The following GAS2 variants were observed in gnomAD, a reference collection of about 807,000 sequenced individuals.
The protein encoded by GAS2 is growth arrest-specific protein 2.
Under a neutral mutation model 37.5 loss-of-function variants are expected in GAS2, and 20 were observed. The ratio of observed to expected loss-of-function variants is 0.53; its 90% CI spans 0.37 to 0.77. The LOEUF is 0.77. GAS2 is among the 30% of genes least tolerant of loss of function. GAS2 has a pLI of 0.00. For synonymous variants in GAS2, 144 were observed against 132.2 expected (o/e 1.09, Z -0.61); for missense variants, 336 against 373.4 (o/e 0.90, Z 0.82).
At chr11:22,692,183 A>T (rs751443193) in intron 3 of GAS2, among the ~76,000 whole-genome samples, 5 of 152,184 alleles carry the variant, frequency 3.3e-5, no homozygotes, top group Admixed American at 3.3e-4. Flanking sequence ...GAAAGCAGCA[A>T]TGTGAAAAAT....
intron 3 of GAS2, among the ~76,000 whole-genome samples, chr11:22,695,662 A>G (rs1850467435): frequency 6.6e-6 from 1 of 152,234 alleles, no homozygotes; most frequent in South Asian, 2.1e-4. Flanking sequence ...TAAATTCCAT[A>G]TATCACAGCT....
chr11:22,698,191 C>T (rs1370352034), intron 3 of GAS2, among the ~76,000 whole-genome samples: 1 of 152,098 alleles, frequency 6.6e-6, no homozygotes, highest in African/African-American at 2.4e-5. Flanking sequence ...GGGGATATCA[C>T]CACCCATCCC....
intron 3 of GAS2, among the ~76,000 whole-genome samples, chr11:22,722,698 A>G (rs1009959261): frequency 2.0e-5 from 3 of 151,932 alleles, no homozygotes; most frequent in African/African-American, 7.2e-5. Context: ...CCCTGGGAAC[A>G]TGTCCCTTGG....
chr11:22,749,322 T>A, intron 6 of GAS2, 61 bp downstream of exon 6: 1 of 1,444,434 alleles, frequency 6.9e-7, no homozygotes, highest in Non-Finnish European at 9.6e-7. Flanking sequence ...ACAAAACATA[T>A]TCTGTGCAAT....
chr11:22,770,165 G>C (rs1390903748), intron 7 of GAS2, among the ~76,000 whole-genome samples: 1 of 152,132 alleles, frequency 6.6e-6, no homozygotes, highest in Non-Finnish European at 1.5e-5. Context: ...GAGGTGAGGT[G>C]AGGAAGAGCA....
At chr11:22,665,408 G>A (rs1048732708), upstream of GAS2, among the ~76,000 whole-genome samples, 1 of 152,102 alleles carries the variant, frequency 6.6e-6, no homozygotes, top group African/African-American at 2.4e-5. Flanking sequence ...ACTCAGATCT[G>A]ATCACATTTT....
chr11:22,747,961 A>G (rs887016348), intron 5 of GAS2, among the ~76,000 whole-genome samples: 2 of 152,086 alleles, frequency 1.3e-5, no homozygotes, highest in Non-Finnish European at 2.9e-5. Flanking sequence ...AGTTAAAATA[A>G]TAAGCAGTTA....
Position 22,743,403 on chromosome 11 carries a change from ATGT to A in GAS2, c.473+5639_473+5641del, listed in dbSNP as rs1853202020. ...TCAATTAACTTATCAACAATCTCAG[ATGT>A]TGTGCCATGTGTCAGAGACTATACT... On this transcript the variant is annotated intron_variant, in intron 5 of 7. Coordinates refer to ENST00000454584, the MANE Select transcript of GAS2 (RefSeq NM_001143830.3). 7.9e-5 allele frequency among the ~76,000 whole-genome samples: 12 copies of A among 152,100 alleles called. 1 individual carries two copies. In the South Asian group the frequency reaches 2.5e-3, roughly 32 times the overall value.
intron 1 of GAS2, among the ~76,000 whole-genome samples, chr11:22,669,989 A>C (rs1849137219): frequency 1.3e-5 from 2 of 152,178 alleles, no homozygotes; most frequent in Non-Finnish European, 2.9e-5. Flanking sequence ...AAGAGTGAAG[A>C]ACTCACAATG....
At chr11:22,745,969 C>A (rs1038052264) in intron 5 of GAS2, among the ~76,000 whole-genome samples, 5 of 151,982 alleles carry the variant, frequency 3.3e-5, no homozygotes, top group Non-Finnish European at 4.4e-5. Context: ...CAGTTTGAGA[C>A]GAGCTCCACC....
intron 1 of GAS2, among the ~76,000 whole-genome samples, chr11:22,656,270 T>G (rs1359990451): frequency 6.6e-6 from 1 of 152,254 alleles, no homozygotes; most frequent in Non-Finnish European, 1.5e-5. Context: ...CCTTCTGAGT[T>G]GCAGCAACAT....
At chr11:22,805,460 A>G (rs892388995) in intron 7 of GAS2, among the ~76,000 whole-genome samples, 9 of 152,088 alleles carry the variant, frequency 5.9e-5, no homozygotes, top group African/African-American at 1.9e-4. Flanking sequence ...CAGTACAACA[A>G]ATCTTTTGAA....
At chr11:22,760,110 T>A (rs1191091380) in intron 7 of GAS2, among the ~76,000 whole-genome samples, 1 of 151,384 alleles carries the variant, frequency 6.6e-6, no homozygotes, top group Non-Finnish European at 1.5e-5. Context: ...GTGTGTACCA[T>A]CACACCCAAC....
chr11:22,767,089 G>A (rs1566381), intron 7 of GAS2, among the ~76,000 whole-genome samples: 68,108 of 151,786 alleles, frequency 0.45, 15,683 homozygotes, highest in East Asian at 0.59. Flanking sequence ...ATAGCAGTAC[G>A]GATATCTTTC....
chr11:22,691,156 T>A lies in GAS2; in HGVS notation c.267+5367T>A, dbSNP rs562180556. ...GAAGTTCTGTTACCTAGTAGAATGC[T>A]GCATTATGCTCCAAGGAAGGAACTG... is the stretch of plus-strand genomic sequence containing the variant. On this transcript the variant is annotated intron_variant, in intron 3 of 7. Coordinates refer to ENST00000454584, the MANE Select transcript of GAS2 (RefSeq NM_001143830.3). Among the ~76,000 whole-genome samples, 65 of 152,280 alleles carry A rather than the reference T, an allele frequency of 4.3e-4. No homozygotes were observed. In the South Asian group the frequency reaches 0.012, roughly 27 times the overall value.
chr11:22,764,796 T>G (rs906028017), intron 7 of GAS2, among the ~76,000 whole-genome samples: 1 of 152,164 alleles, frequency 6.6e-6, no homozygotes, highest in Admixed American at 6.5e-5. Flanking sequence ...TTATTCTTCA[T>G]TAAAAACTTA....
At chr11:22,794,859 G>A (rs952741131) in intron 7 of GAS2, among the ~76,000 whole-genome samples, 2 of 152,134 alleles carry the variant, frequency 1.3e-5, no homozygotes, top group Non-Finnish European at 2.9e-5. Context: ...CTGTCTCACA[G>A]TGTCACCCTG....
intron 7 of GAS2, among the ~76,000 whole-genome samples, chr11:22,774,795 G>A (rs1180357736): frequency 1.3e-5 from 2 of 151,616 alleles, no homozygotes; most frequent in Non-Finnish European, 2.9e-5. Context: ...CTGTTAATCT[G>A]GATTTCAAGA....
chr11:22,642,561 A>T (rs1271483358), intron 1 of GAS2, among the ~76,000 whole-genome samples: 1 of 152,172 alleles, frequency 6.6e-6, no homozygotes, highest in African/African-American at 2.4e-5. Context: ...TAAGAAAATT[A>T]TAGAATGTAA....
Sources: allele counts gnomAD v4.1 joint callset (sites outside exome capture counted in the v4.1 genomes callset), GRCh38; gene constraint gnomAD v4.1.1; transcripts MANE v1.5; gene names NCBI Gene and HGNC (gene_info 2026-07-23, HGNC 2026-07-21).